CALN1: variants seen among roughly 807,000 people sequenced by gnomAD.
CALN1 encodes the protein calcium-binding protein 8.
In CALN1, 17 loss-of-function variants were observed where a neutral mutation model predicts 30.6. The observed-to-expected ratio is 0.56, with a 90% CI of 0.38 to 0.83. The LOEUF (loss-of-function observed/expected upper bound fraction) is 0.83, where lower values mean the gene tolerates loss of function less well. CALN1 is among the 40% of genes least tolerant of loss of function. The pLI is 0.00. For synonymous variants in CALN1, 156 were observed against 131.4 expected (o/e 1.19, Z -1.28); for missense variants, 291 against 354.9 (o/e 0.82, Z 1.45).
At chr7:72,333,567 G>A (rs1801814393) in intron 2 of CALN1, among the ~76,000 whole-genome samples, 1 of 152,034 alleles carries the variant, frequency 6.6e-6, no homozygotes, top group African/African-American at 2.4e-5. Flanking sequence ...GAGCATCAGA[G>A]GCTGTTGCTG....
upstream of CALN1, among the ~76,000 whole-genome samples, chr7:72,451,230 G>GAGA (rs1808652843): frequency 7.7e-6 from 1 of 129,802 alleles, no homozygotes; most frequent in African/African-American, 3.7e-5. Context: ...GGAGGAGGAG[G>GAGA]AGGAGAAGGA....
At chr7:72,173,224 A>C (rs1383191384) in intron 3 of CALN1, among the ~76,000 whole-genome samples, 2 of 152,144 alleles carry the variant, frequency 1.3e-5, no homozygotes, top group Non-Finnish European at 2.9e-5. Context: ...AAAAAAGAAA[A>C]ATAAAGTACA....
In CALN1 at chr7:71,787,874, GGTCT is replaced by G. The variant is rs1044863557; in HGVS notation, c.683_686del (p.Gln228ProfsTer21). 1.2e-6 allele frequency: 2 copies of G among 1,614,024 alleles called. No homozygotes were observed. Among genetic ancestry groups the G allele is most frequent in the African/African-American group, 1.3e-5 (1 of 74,940 alleles). ...CGCATATGAGGCTCTTCCGGACGCA[GGTCT>G]GTCTGTTCTGCTTCTGGGAATGCAC... On this transcript the variant is annotated frameshift_variant, in exon 7 of 7. Coordinates refer to ENST00000395275, the MANE Select transcript of CALN1 (RefSeq NM_031468.4). LOFTEE classifies it high-confidence loss of function.
chr7:72,054,680 T>A (rs933923475), intron 4 of CALN1, among the ~76,000 whole-genome samples: 12 of 151,758 alleles, frequency 7.9e-5, no homozygotes, highest in African/African-American at 2.9e-4. Context: ...AAATACTGCA[T>A]GTTCTTACTT....
chr7:72,391,953 G>A (rs1805608661), intron 2 of CALN1, among the ~76,000 whole-genome samples: 1 of 152,168 alleles, frequency 6.6e-6, no homozygotes, highest in African/African-American at 2.4e-5. Context: ...TCCACTCCCT[G>A]AATCTAAGAG....
rs537648449 is a variant in CALN1 at position 71,897,640 on chromosome 7, A to G, written c.502-87148T>C. On this transcript the variant is annotated intron_variant, in intron 5 of 6. Transcript: ENST00000395275. ...ATTGAGCATTTCCTTCTTCTTCTTA[A>G]CAGGATGCAGAAAGATCCTGCAATG... is the stretch of plus-strand genomic sequence containing the variant. Among the ~76,000 whole-genome samples the G allele has an allele frequency of 2.0e-3, 303 of 152,146 alleles. 4 individuals carry two copies. The highest frequency in any genetic ancestry group is 1.7e-3 in the Non-Finnish European group (113 of 68,006).
chr7:72,169,853 G>A (rs1416770533), intron 3 of CALN1, among the ~76,000 whole-genome samples: 1 of 151,696 alleles, frequency 6.6e-6, no homozygotes, highest in Non-Finnish European at 1.5e-5. Context: ...ACCACACCCG[G>A]CTAGTTTTTG....
At chr7:72,480,026 A>G in the CALN1 span, among the ~76,000 whole-genome samples, 1 of 152,214 alleles carries the variant, frequency 6.6e-6, no homozygotes, top group Non-Finnish European at 1.5e-5. Flanking sequence ...CTGTAGCTTT[A>G]TAATATAATT....
intron 4 of CALN1, among the ~76,000 whole-genome samples, chr7:72,102,424 G>C (rs1027782915): frequency 1.3e-5 from 2 of 151,996 alleles, no homozygotes; most frequent in Admixed American, 6.5e-5. Flanking sequence ...CAGCCTGGGC[G>C]TAAGACAGAG....
At chr7:72,316,167 A>G (rs972115532) in intron 2 of CALN1, among the ~76,000 whole-genome samples, 2 of 150,526 alleles carry the variant, frequency 1.3e-5, no homozygotes, top group East Asian at 1.9e-4. Flanking sequence ...AAGAAAGAAA[A>G]AAAAGAATTT....
chr7:72,054,550 T>C lies in CALN1; in HGVS notation c.389-30781A>G, dbSNP rs1319163384. On this transcript the variant is annotated intron_variant, in intron 4 of 6. Transcript: ENST00000395275. The stretch of plus-strand genomic sequence containing the variant: ...ATACATACATATATATATACATATA[T>C]ATATATATATAATGGAATACTATGC... Among the ~76,000 whole-genome samples, 22 of 146,472 alleles carry C rather than the reference T, an allele frequency of 1.5e-4. 1 individual carries two copies. Among genetic ancestry groups the C allele is most frequent in the Admixed American group, 6.9e-4 (10 of 14,470 alleles).
intron 2 of CALN1, among the ~76,000 whole-genome samples, chr7:72,386,424 G>A (rs1479433019): frequency 2.0e-5 from 3 of 152,132 alleles, no homozygotes; most frequent in African/African-American, 4.8e-5. Flanking sequence ...ATACATAAGC[G>A]TTTTAGTTGA....
intron 4 of CALN1, among the ~76,000 whole-genome samples, chr7:72,031,402 C>T (rs1021324643): frequency 6.8e-4 from 104 of 152,188 alleles, no homozygotes; most frequent in African/African-American, 2.5e-3. Context: ...GAGCTCAGGG[C>T]TTTACATGTA....
rs1025665508 is a variant in CALN1 at position 71,785,182 on chromosome 7, C to A, written c.*2593G>T. 1 of 276,498 alleles carries A rather than the reference C, an allele frequency of 3.6e-6. No homozygotes were observed. The highest frequency in any genetic ancestry group is 6.7e-6 in the Non-Finnish European group (1 of 148,728). The allele number at this position is 276,498 out of a possible 1,614,324, so 17.1% of individuals were successfully genotyped here. A position where few individuals can be genotyped will look rare whatever the true frequency, so the allele number is the denominator to read the frequency against. ...TTCTGTGTCTTCCTTCTTGCCATCTCTCTCTAGCAGTCTGCAGAGGAATGC... is the reference window on the plus strand; with the variant it reads ...TTCTGTGTCTTCCTTCTTGCCATCTATCTCTAGCAGTCTGCAGAGGAATGC... On this transcript the variant is annotated 3_prime_UTR_variant, in exon 7 of 7. Coordinates refer to ENST00000395275, the MANE Select transcript of CALN1 (RefSeq NM_031468.4).
At chr7:72,279,444 C>A (rs1036051174) in intron 2 of CALN1, among the ~76,000 whole-genome samples, 2 of 152,316 alleles carry the variant, frequency 1.3e-5, no homozygotes, top group East Asian at 3.9e-4. Context: ...GCTAATCACA[C>A]CTGCCCTGCT....
At chr7:72,207,867 T>C (rs1309864463) in intron 3 of CALN1, among the ~76,000 whole-genome samples, 1 of 152,192 alleles carries the variant, frequency 6.6e-6, no homozygotes, top group African/African-American at 2.4e-5. Context: ...AGTAAAAAAG[T>C]GCATTTTAAG....
chr7:71,861,247 G>C (rs549128875), intron 5 of CALN1, among the ~76,000 whole-genome samples: 1 of 152,040 alleles, frequency 6.6e-6, no homozygotes, highest in Admixed American at 6.6e-5. Context: ...CATTAATTGA[G>C]CATCTACTTG....
chr7:71,882,272 TCA>T (rs1395911001), intron 5 of CALN1, among the ~76,000 whole-genome samples: 1 of 152,212 alleles, frequency 6.6e-6, no homozygotes, highest in Non-Finnish European at 1.5e-5. Flanking sequence ...GCTTTTGTTC[TCA>T]CGTCTTCTCT....
chr7:72,321,144 G>C (rs995476050), intron 2 of CALN1, among the ~76,000 whole-genome samples: 5 of 151,796 alleles, frequency 3.3e-5, no homozygotes, highest in African/African-American at 7.3e-5. Flanking sequence ...TTAAACACTT[G>C]ATCTTCTAGG....
Sources: gnomAD v4.1 joint callset for allele counts (sites outside exome capture counted in the v4.1 genomes callset) on GRCh38, gnomAD v4.1.1 for gene constraint, MANE v1.5 for transcripts, NCBI Gene and HGNC (gene_info 2026-07-23, HGNC 2026-07-21) for gene names.